Variants in CNTNAP2 observed in about 807,000 individuals in gnomAD.
CNTNAP2 encodes contactin-associated protein-like 2.
In CNTNAP2, 98 loss-of-function variants were observed where a neutral mutation model predicts 155.2. The ratio of observed to expected loss-of-function variants is 0.63; its 90% CI spans 0.54 to 0.75. CNTNAP2 has a LOEUF of 0.75. Ranked by LOEUF, CNTNAP2 falls within the 30% of genes least tolerant of loss-of-function variation. The pLI is 0.00. For missense variants in CNTNAP2, 1,727 were observed against 1,688.1 expected (o/e 1.02, Z -0.40); for synonymous variants, 651 against 631.2 (o/e 1.03, Z -0.47).
At chr7:146,283,505 C>A (rs562659829) in intron 1 of CNTNAP2, among the ~76,000 whole-genome samples, 1 of 152,084 alleles carries the variant, frequency 6.6e-6, no homozygotes, top group East Asian at 1.9e-4. Flanking sequence ...GTAGCAGGGA[C>A]CACAGGTGTG....
chr7:147,301,966 G>T lies in CNTNAP2; in HGVS notation c.1498+1676G>T, dbSNP rs115654358. On this transcript the variant is annotated intron_variant, in intron 9 of 23. Coordinates refer to ENST00000361727, the MANE Select transcript of CNTNAP2 (RefSeq NM_014141.6). ...TTAGAGACAAAAATCATGAACTAGG[G>T]CTCTGCTTCTTTAATCTTCCATAAT... 1.7e-3 allele frequency among the ~76,000 whole-genome samples: 253 copies of T among 152,168 alleles called. 1 individual carries two copies. The highest frequency in any genetic ancestry group is 5.9e-3 in the African/African-American group (244 of 41,520).
chr7:146,918,500 A>G (rs987493380), intron 3 of CNTNAP2, among the ~76,000 whole-genome samples: 18 of 152,210 alleles, frequency 1.2e-4, no homozygotes, highest in Non-Finnish European at 2.6e-4. Flanking sequence ...GAGGCTAAAG[A>G]TAGGACTCCA....
intron 11 of CNTNAP2, among the ~76,000 whole-genome samples, chr7:147,556,808 T>C (rs1231682575): frequency 6.6e-6 from 1 of 152,168 alleles, no homozygotes; most frequent in Non-Finnish European, 1.5e-5. Context: ...TCTCCAGAAC[T>C]GTAAGATAAA....
chr7:148,245,971 A>T (rs60311181), intron 20 of CNTNAP2, among the ~76,000 whole-genome samples: 21,038 of 152,178 alleles, frequency 0.14, 2,253 homozygotes, highest in East Asian at 0.53. Flanking sequence ...CAAACATAGC[A>T]TTAAAAAGCT....
intron 8 of CNTNAP2, among the ~76,000 whole-genome samples, chr7:147,172,393 C>A (rs1294147233): frequency 6.6e-6 from 1 of 152,050 alleles, no homozygotes; most frequent in Non-Finnish European, 1.5e-5. Context: ...TGGAATAATG[C>A]ATTATGCATT....
chr7:147,561,476 G>A (rs1030456730), intron 11 of CNTNAP2, among the ~76,000 whole-genome samples: 5 of 152,036 alleles, frequency 3.3e-5, no homozygotes, highest in African/African-American at 9.7e-5. Context: ...AATTTGTCAT[G>A]AGCACTGGAA....
At chr7:148,228,315 T>C (rs1274355559) in intron 19 of CNTNAP2, among the ~76,000 whole-genome samples, 1 of 152,134 alleles carries the variant, frequency 6.6e-6, no homozygotes, top group African/African-American at 2.4e-5. Context: ...ATTGTCATAT[T>C]AGTTATTTTC....
chr7:146,914,991 T>C (rs1267052985), intron 3 of CNTNAP2, among the ~76,000 whole-genome samples: 4 of 152,170 alleles, frequency 2.6e-5, no homozygotes, highest in African/African-American at 9.6e-5. Flanking sequence ...AGTTAATTTT[T>C]GTATAAGGTG....
chr7:148,136,614 C>T (rs1368416446), intron 16 of CNTNAP2, among the ~76,000 whole-genome samples: 1 of 152,128 alleles, frequency 6.6e-6, no homozygotes, highest in Non-Finnish European at 1.5e-5. Flanking sequence ...ACTAGAACAG[C>T]TGGATAGTAC....
intron 1 of CNTNAP2, among the ~76,000 whole-genome samples, chr7:146,426,173 G>A (rs1188133547): frequency 3.9e-5 from 4 of 102,332 alleles, no homozygotes; most frequent in African/African-American, 5.5e-5. Flanking sequence ...GCTACAGAGT[G>A]AGACTTCGCC....
At chr7:146,892,364 C>G (rs1365925014) in intron 3 of CNTNAP2, among the ~76,000 whole-genome samples, 1 of 152,134 alleles carries the variant, frequency 6.6e-6, no homozygotes, top group Non-Finnish European at 1.5e-5. Flanking sequence ...GGTAACCTGT[C>G]ACATTCCAAT....
chr7:146,887,306 A>G (rs1795687054), intron 3 of CNTNAP2, among the ~76,000 whole-genome samples: 1 of 150,980 alleles, frequency 6.6e-6, no homozygotes, highest in Non-Finnish European at 1.5e-5. Flanking sequence ...CCACCACCAC[A>G]CCCAACTGAT....
intron 1 of CNTNAP2, among the ~76,000 whole-genome samples, chr7:146,198,468 C>A (rs1210042428): frequency 6.6e-6 from 1 of 152,094 alleles, no homozygotes; most frequent in African/African-American, 2.4e-5. Context: ...TATGTATCCC[C>A]CAGGATTTGT....
chr7:147,131,194 C>A (rs961686971), intron 7 of CNTNAP2, among the ~76,000 whole-genome samples: 1 of 150,344 alleles, frequency 6.7e-6, no homozygotes, highest in Non-Finnish European at 1.5e-5. Context: ...ATATACCATA[C>A]ACATGTATAC....
chr7:147,017,571 T>A (rs566221304), intron 3 of CNTNAP2, among the ~76,000 whole-genome samples: 1 of 152,194 alleles, frequency 6.6e-6, no homozygotes, highest in South Asian at 2.1e-4. Context: ...ACTTCTTTTT[T>A]AAAAATTACA....
At chr7:147,540,449 A>G (rs1333905495) in intron 11 of CNTNAP2, among the ~76,000 whole-genome samples, 3 of 152,216 alleles carry the variant, frequency 2.0e-5, no homozygotes, top group South Asian at 4.1e-4. Context: ...AAGTCTGCCT[A>G]TATTGTTTCC....
intron 1 of CNTNAP2, among the ~76,000 whole-genome samples, chr7:146,710,677 A>G (rs1449975777): frequency 1.3e-5 from 2 of 152,042 alleles, no homozygotes; most frequent in East Asian, 1.9e-4. Context: ...CTCCTCTCTT[A>G]TTTAGTCTTT....
intron 15 of CNTNAP2, among the ~76,000 whole-genome samples, chr7:148,089,192 G>A (rs1308772557): frequency 6.6e-6 from 1 of 151,868 alleles, no homozygotes; most frequent in Non-Finnish European, 1.5e-5. Context: ...GCCCATAGCT[G>A]ACATCATATT....
chr7:148,303,121 T>C (rs1166151268), intron 21 of CNTNAP2, among the ~76,000 whole-genome samples: 1 of 152,110 alleles, frequency 6.6e-6, no homozygotes, highest in African/African-American at 2.4e-5. Flanking sequence ...TTTATAGCAG[T>C]GTGAAAATGG....
Sources: gnomAD v4.1 joint callset for allele counts (sites outside exome capture counted in the v4.1 genomes callset) on GRCh38, gnomAD v4.1.1 for gene constraint, MANE v1.5 for transcripts, NCBI Gene and HGNC (gene_info 2026-07-23, HGNC 2026-07-21) for gene names.